Variants in TBC1D23 observed in about 807,000 individuals in gnomAD.
The protein encoded by TBC1D23 is HCV non-structural protein 4A-transactivated protein 1.
In TBC1D23, 55 loss-of-function variants were observed where a neutral mutation model predicts 91.4. The observed-to-expected ratio is 0.60, with a 90% confidence interval of 0.48 to 0.75. The LOEUF is 0.75. Among genes scored for constraint, TBC1D23 ranks in the 30% least tolerant of loss-of-function variants. The pLI is 0.00. For missense variants in TBC1D23, 725 were observed against 836.1 expected (o/e 0.87, Z 1.64); for synonymous variants, 289 against 281.0 (o/e 1.03, Z -0.28).
Position 100,304,622 on chromosome 3 carries a change from C to G in TBC1D23, c.1264-224C>G, listed in dbSNP as rs539898120. 9.9e-5 allele frequency among the ~76,000 whole-genome samples: 15 copies of G among 152,182 alleles called. No individual in the cohort carries two copies. In the South Asian group the frequency reaches 3.1e-3, roughly 32 times the overall value. On this transcript the variant is annotated intron_variant, in intron 11 of 18. Transcript: ENST00000394144. ...AAGCAAAATCAAGACTTGTTAATAG[C>G]CTTGAAGTTGTTCCCTTCTTCCCAC... is the stretch of plus-strand genomic sequence containing the variant.
chr3:100,287,903 G>A (rs929421124), intron 4 of TBC1D23, among the ~76,000 whole-genome samples: 1 of 151,554 alleles, frequency 6.6e-6, no homozygotes, highest in African/African-American at 2.4e-5. Flanking sequence ...ACACGTACAT[G>A]CCACTCTGCC....
intron 3 of TBC1D23, among the ~76,000 whole-genome samples, chr3:100,283,184 C>A (rs2067709556): frequency 6.6e-6 from 1 of 152,148 alleles, no homozygotes; most frequent in Non-Finnish European, 1.5e-5. Flanking sequence ...ACCAGCCTGG[C>A]CAACATGGTG....
chr3:100,275,533 C>T (rs2067641964), intron 1 of TBC1D23, among the ~76,000 whole-genome samples: 1 of 152,190 alleles, frequency 6.6e-6, no homozygotes, highest in Admixed American at 6.5e-5. Flanking sequence ...AGCCATCCAA[C>T]CAGAAGTGCT....
chr3:100,267,128 A>G (rs1448403835), intron 1 of TBC1D23: 1 of 351,920 alleles, frequency 2.8e-6, no homozygotes, highest in South Asian at 2.1e-5. Context: ...GCTTCTGAAG[A>G]TATCTAAATG....
chr3:100,305,835 C>G (rs189247786), intron 12 of TBC1D23, among the ~76,000 whole-genome samples: 60 of 152,058 alleles, frequency 3.9e-4, no homozygotes, highest in African/African-American at 1.4e-3. Context: ...ATGTATTGGC[C>G]CTAGGCTCAG....
intron 4 of TBC1D23, among the ~76,000 whole-genome samples, chr3:100,287,199 A>G (rs1437642162): frequency 6.6e-6 from 1 of 150,744 alleles, no homozygotes; most frequent in Non-Finnish European, 1.5e-5. Context: ...TGCCACCTCC[A>G]TCTCTTAAGC....
chr3:100,292,205 G>A (rs1038728863), intron 5 of TBC1D23, among the ~76,000 whole-genome samples: 1 of 152,176 alleles, frequency 6.6e-6, no homozygotes, highest in Admixed American at 6.5e-5. Context: ...CAGATCCTTT[G>A]TAAAGAATCC....
At chr3:100,301,221 C>T (rs1044044779) in intron 10 of TBC1D23, among the ~76,000 whole-genome samples, 5 of 141,174 alleles carry the variant, frequency 3.5e-5, no homozygotes, top group Admixed American at 7.7e-5. Flanking sequence ...TGCGGTGAGC[C>T]GAGATCGCAC....
At chr3:100,281,161 CAA>C (rs2067690922) in intron 2 of TBC1D23, among the ~76,000 whole-genome samples, 1 of 151,798 alleles carries the variant, frequency 6.6e-6, no homozygotes, top group Non-Finnish European at 1.5e-5. Flanking sequence ...AACTCAGTCT[CAA>C]AAAATAAAAA....
At position 100,294,058 on chromosome 3, in the gene TBC1D23, G is replaced by T. The variant is rs192791353; in HGVS notation, c.601-1029G>T. Among the ~76,000 whole-genome samples the T allele has an allele frequency of 1.8e-3, 272 of 152,170 alleles. 1 individual carries two copies. The highest frequency in any genetic ancestry group is 0.017 in the Middle Eastern group (5 of 294). On this transcript the variant is annotated intron_variant, in intron 5 of 18. Transcript: ENST00000394144. Reference sequence around the variant, plus strand: ...GAGTGCACTAAATATATGTGTTCCCGTTAATTCTCTTTAGCTGTTAAAAAT... The same window carrying T: ...GAGTGCACTAAATATATGTGTTCCCTTTAATTCTCTTTAGCTGTTAAAAAT...
intron 1 of TBC1D23, among the ~76,000 whole-genome samples, chr3:100,278,617 C>T (rs1576162602): frequency 1.3e-5 from 2 of 152,132 alleles, no homozygotes; most frequent in South Asian, 4.1e-4. Flanking sequence ...AACTCCTGAC[C>T]TTGTGATCCA....
intron 5 of TBC1D23, 93 bp from the exon 6 acceptor site, chr3:100,294,994 G>C: frequency 8.9e-6 from 11 of 1,239,858 alleles, no homozygotes; most frequent in Non-Finnish European, 1.2e-5. Flanking sequence ...CAGATAATTT[G>C]ATATAATGTT....
chr3:100,290,830 G>T, intron 5 of TBC1D23, 129 bp downstream of exon 5: 2 of 690,592 alleles, frequency 2.9e-6, no homozygotes, highest in Non-Finnish European at 4.4e-6. Flanking sequence ...TAAACCAAAG[G>T]GGTAAAATTA....
intron 16 of TBC1D23, among the ~76,000 whole-genome samples, chr3:100,316,541 G>A (rs958768015): frequency 3.9e-5 from 6 of 152,014 alleles, no homozygotes; most frequent in African/African-American, 1.4e-4. Flanking sequence ...TAAGGAGAGA[G>A]GTTTAAACTG....
intron 9 of TBC1D23, among the ~76,000 whole-genome samples, chr3:100,298,293 G>A (rs379945): frequency 0.96 from 146,912 of 152,318 alleles, 70,892 homozygotes; most frequent in East Asian, 1. Context: ...GTAAATCGCC[G>A]TATCTTTTTT....
At chr3:100,282,399 C>G (rs1361084780) in intron 3 of TBC1D23, among the ~76,000 whole-genome samples, 34 of 152,098 alleles carry the variant, frequency 2.2e-4, no homozygotes. Flanking sequence ...TTGTTGTAGT[C>G]TTAAATTTGA....
chr3:100,308,471 C>T (rs364854), intron 13 of TBC1D23, among the ~76,000 whole-genome samples: 11 of 149,038 alleles, frequency 7.4e-5, no homozygotes, highest in African/African-American at 2.5e-4. Flanking sequence ...AACGAGACTC[C>T]GTCTCAAAAA....
At chr3:100,273,596 A>T (rs1230919218) in intron 1 of TBC1D23, among the ~76,000 whole-genome samples, 1 of 152,226 alleles carries the variant, frequency 6.6e-6, no homozygotes, top group East Asian at 1.9e-4. Flanking sequence ...AACTGAAGGC[A>T]TCACGCTACC....
At chr3:100,264,066 T>A (rs1214073778) in intron 1 of TBC1D23, among the ~76,000 whole-genome samples, 2 of 152,176 alleles carry the variant, frequency 1.3e-5, no homozygotes, top group Admixed American at 1.3e-4. Flanking sequence ...AGAAGAGGAT[T>A]TGAATAGGAA....
Sources: allele counts gnomAD v4.1 joint callset (sites outside exome capture counted in the v4.1 genomes callset), GRCh38; gene constraint gnomAD v4.1.1; transcripts MANE v1.5; gene names NCBI Gene and HGNC (gene_info 2026-07-23, HGNC 2026-07-21).